Variants in TENM2 observed in about 807,000 individuals in gnomAD.
TENM2 encodes the protein teneurin-2.
TENM2 carries 52 observed loss-of-function variants against 245.2 expected under a neutral mutation model. The observed-to-expected ratio is 0.21, with a 90% confidence interval of 0.17 to 0.27. The LOEUF (loss-of-function observed/expected upper bound fraction) is 0.27, where lower values mean the gene tolerates loss of function less well. TENM2 is among the 10% of genes least tolerant of loss of function. The probability of loss-of-function intolerance (pLI) is 1.00; values close to 1 mark genes in which losing one functional copy is unlikely to be tolerated. For synonymous variants in TENM2, 1,363 were observed against 1,438.9 expected (o/e 0.95, Z 1.19); for missense variants, 3,046 against 3,666.8 (o/e 0.83, Z 4.37).
At chr5:168,227,743 G>A (rs1764351395) in intron 24 of TENM2, among the ~76,000 whole-genome samples, 152 bp from the exon 27 acceptor site, 1 of 151,888 alleles carries the variant, frequency 6.6e-6, no homozygotes, top group Non-Finnish European at 1.5e-5. Flanking sequence ...CCTTCACATG[G>A]TATGTATGTG....
intron 2 of TENM2, among the ~76,000 whole-genome samples, chr5:167,675,321 T>G (rs527462774): frequency 2.0e-5 from 3 of 152,250 alleles, no homozygotes; most frequent in African/African-American, 7.2e-5. Flanking sequence ...TAGTAAATTG[T>G]CACTTGAAAT....
intron 2 of TENM2, among the ~76,000 whole-genome samples, chr5:167,859,395 C>G (rs1173425753): frequency 2.7e-5 from 4 of 149,226 alleles, no homozygotes; most frequent in Admixed American, 6.6e-5. Context: ...GGTCAGCCCC[C>G]CGCCCGGCCA....
At chr5:167,166,546 A>C in the TENM2 span, among the ~76,000 whole-genome samples, 885 of 152,178 alleles carry the variant, frequency 5.8e-3, 9 homozygotes, top group African/African-American at 0.02. Flanking sequence ...TATGGAAGGG[A>C]GGTTTATTAT....
intron 2 of TENM2, among the ~76,000 whole-genome samples, chr5:167,789,439 A>T (rs1764800487): frequency 2.0e-5 from 3 of 152,196 alleles, no homozygotes; most frequent in African/African-American, 4.8e-5. Context: ...GAGGAGCCAG[A>T]GGTAATCCTG....
At chr5:168,127,500 C>G (rs1209333060) in intron 12 of TENM2, among the ~76,000 whole-genome samples, 27 of 152,358 alleles carry the variant, frequency 1.8e-4, no homozygotes, top group Non-Finnish European at 8.8e-5. Flanking sequence ...TTTATTCTCA[C>G]TCAGCCACCT....
At chr5:167,821,995 C>G (rs1026215888) in intron 2 of TENM2, among the ~76,000 whole-genome samples, 1 of 151,942 alleles carries the variant, frequency 6.6e-6, no homozygotes, top group Non-Finnish European at 1.5e-5. Context: ...TGGATAAAGG[C>G]GAAACAGGGT....
chr5:168,154,884 C>T (rs918848701), intron 12 of TENM2, among the ~76,000 whole-genome samples: 2 of 152,220 alleles, frequency 1.3e-5, no homozygotes, highest in African/African-American at 2.4e-5. Flanking sequence ...CATACAGACA[C>T]CACTGAAACA....
At position 167,634,567 on chromosome 5, in the gene TENM2, G is replaced by C. The variant is rs570606002; in HGVS notation, c.503-241419G>C. Among the ~76,000 whole-genome samples, 14 of 151,024 alleles carry C rather than the reference G, an allele frequency of 9.3e-5. No individual in the cohort carries two copies. The South Asian group carries it at 2.5e-3, about 27-fold the overall frequency. ...CTACTTAGATGCAGAAACCACTGCT[G>C]GTGCTAGGACTCACATTTTTGATTC... On this transcript the variant is annotated intron_variant, in intron 2 of 28. Coordinates refer to ENST00000518659, the Ensembl canonical transcript of TENM2.
At chr5:168,180,054 G>A (rs1461381468) in intron 13 of TENM2, among the ~76,000 whole-genome samples, 1 of 152,178 alleles carries the variant, frequency 6.6e-6, no homozygotes, top group Admixed American at 6.5e-5. Context: ...TAGTACCGAC[G>A]TGGTTTGTGT....
At chr5:168,134,319 C>T (rs1243734998) in intron 12 of TENM2, among the ~76,000 whole-genome samples, 2 of 152,190 alleles carry the variant, frequency 1.3e-5, no homozygotes, top group Non-Finnish European at 2.9e-5. Context: ...GTACTTGGCA[C>T]AGTGCCTACC....
At chr5:167,148,903 G>A in the TENM2 span, among the ~76,000 whole-genome samples, 7 of 152,112 alleles carry the variant, frequency 4.6e-5, no homozygotes, top group African/African-American at 1.7e-4. Flanking sequence ...TTATTACCAG[G>A]AGCTCAAGAA....
rs1177189965 is a variant in TENM2 at position 167,944,453 on chromosome 5, C to G, written c.713-8135C>G. 2.6e-5 allele frequency among the ~76,000 whole-genome samples: 4 copies of G among 151,606 alleles called. 1 individual carries two copies. The East Asian group carries it at 7.7e-4, about 29-fold the overall frequency. ...TCTCAGCCAAAAAAAAAAAAAAGGC[C>G]TGCAGGGGACCTGCTTCAGGTTGCC... is the stretch of plus-strand genomic sequence containing the variant. On this transcript the variant is annotated intron_variant, in intron 3 of 28. Coordinates refer to ENST00000518659, the Ensembl canonical transcript of TENM2.
intron 18 of TENM2, 39 bp downstream of exon 20, chr5:168,203,871 C>T (rs775348941): frequency 2.6e-6 from 4 of 1,559,286 alleles, no homozygotes; most frequent in South Asian, 1.2e-5. Context: ...ACAGCCTTGC[C>T]ACTTCTCTGG....
chr5:167,451,124 G>T (rs1765555291), intron 2 of TENM2, among the ~76,000 whole-genome samples: 1 of 152,144 alleles, frequency 6.6e-6, no homozygotes, highest in Non-Finnish European at 1.5e-5. Context: ...GGTAACAGAA[G>T]TATTTATCTG....
At chr5:167,400,848 G>T (rs1762326313) in intron 2 of TENM2, among the ~76,000 whole-genome samples, 1 of 152,074 alleles carries the variant, frequency 6.6e-6, no homozygotes, top group African/African-American at 2.4e-5. Flanking sequence ...TTAGGATGAA[G>T]AATGAGAAAA....
the TENM2 span, among the ~76,000 whole-genome samples, chr5:166,990,849 C>T: frequency 7.9e-5 from 12 of 152,116 alleles, no homozygotes; most frequent in African/African-American, 1.9e-4. Flanking sequence ...AACAGATCTA[C>T]GCTATTAGAC....
At position 167,353,497 on chromosome 5, in the gene TENM2, G is replaced by GTTTTTTTTT. The variant is rs1462789214; in HGVS notation, c.227-21699_227-21698insTTTTTTTTT. Among the ~76,000 whole-genome samples, 367 of 68,908 alleles carry GTTTTTTTTT rather than the reference G, an allele frequency of 5.3e-3. 2 individuals carry two copies. The highest frequency in any genetic ancestry group is 0.02 in the African/African-American group (354 of 17,994). 45.2% of individuals were successfully genotyped at this position (68,908 alleles called of 152,430 possible). A position where few individuals can be genotyped will look rare whatever the true frequency, so the allele number is the denominator to read the frequency against. On this transcript the variant is annotated intron_variant, in intron 1 of 28. Coordinates refer to ENST00000518659, the Ensembl canonical transcript of TENM2. Reference sequence around the variant, plus strand: ...GTATATGGTGTTTTTTGTTGTTGTTGTTGTTTTTTTTTTTTTTTTTTTTTT... The same window carrying GTTTTTTTTT: ...GTATATGGTGTTTTTTGTTGTTGTTGTTTTTTTTTTTGTTTTTTTTTTTTTTTTTTTTTT...
chr5:168,063,960 T>TCCAC (rs1388736478), intron 7 of TENM2, among the ~76,000 whole-genome samples: 1 of 150,942 alleles, frequency 6.6e-6, no homozygotes, highest in Non-Finnish European at 1.5e-5. Context: ...GAGTCCTCCA[T>TCCAC]CCATCCATCC....
chr5:167,935,631 G>A (rs187079213), intron 3 of TENM2, among the ~76,000 whole-genome samples: 1 of 152,114 alleles, frequency 6.6e-6, no homozygotes, highest in African/African-American at 2.4e-5. Context: ...GGTGGTGAAG[G>A]AGAGAAGTTG....
Sources: gnomAD v4.1 joint callset for allele counts (sites outside exome capture counted in the v4.1 genomes callset) on GRCh38, gnomAD v4.1.1 for gene constraint, MANE v1.5 for transcripts, NCBI Gene and HGNC (gene_info 2026-07-23, HGNC 2026-07-21) for gene names.